The following FRAS1 variants were observed in gnomAD, a reference collection of about 807,000 sequenced individuals.
FRAS1 encodes the protein extracellular matrix organizing protein FRAS1.
A neutral mutation model predicts 435.2 loss-of-function variants in FRAS1; 290 were observed. That is an observed-to-expected ratio of 0.67 (90% CI 0.61 to 0.73). The LOEUF is 0.73. Ranked by LOEUF, FRAS1 falls within the 30% of genes least tolerant of loss-of-function variation. FRAS1 has a pLI of 0.00. For synonymous variants in FRAS1, 1,800 were observed against 1,851.0 expected, an observed-to-expected ratio of 0.97 and a Z score of 0.71; for missense variants, 4,860 against 5,001.5, an observed-to-expected ratio of 0.97 and a Z score of 0.85.
intron 26 of FRAS1, among the ~76,000 whole-genome samples, chr4:78,377,856 T>C (rs1731839961): frequency 6.6e-6 from 1 of 151,332 alleles, no homozygotes; most frequent in Non-Finnish European, 1.5e-5. Flanking sequence ...TCAGAAGCTC[T>C]GGCAGTGGAG....
At chr4:78,312,879 G>A (rs55689633) in intron 15 of FRAS1, among the ~76,000 whole-genome samples, 23,923 of 128,832 alleles carry the variant, frequency 0.19, 3,000 homozygotes, top group Non-Finnish European at 0.28. Flanking sequence ...GAGAGAGAGA[G>A]AGAAAGAAAG....
intron 29 of FRAS1, among the ~76,000 whole-genome samples, chr4:78,397,714 T>C (rs914599352): frequency 5.9e-5 from 9 of 152,214 alleles, no homozygotes; most frequent in Admixed American, 1.3e-4. Flanking sequence ...TTCCTTACTG[T>C]CCCTAGACAG....
chr4:78,174,220 G>A (rs376259894), intron 2 of FRAS1, among the ~76,000 whole-genome samples: 2 of 152,132 alleles, frequency 1.3e-5, no homozygotes, highest in African/African-American at 4.8e-5. Context: ...AAATGTGTTG[G>A]CTCATGTTCT....
chr4:78,298,737 C>T (rs1253396687), intron 14 of FRAS1, among the ~76,000 whole-genome samples: 1 of 152,120 alleles, frequency 6.6e-6, no homozygotes, highest in African/African-American at 2.4e-5. Context: ...TCCCCATAAC[C>T]CATTTTAAAA....
intron 29 of FRAS1, among the ~76,000 whole-genome samples, chr4:78,397,808 G>A (rs1027111764): frequency 6.6e-6 from 1 of 152,170 alleles, no homozygotes; most frequent in Admixed American, 6.5e-5. Context: ...ACAAGGCTGG[G>A]GAAGCTGGGC....
chr4:78,301,601 G>A (rs1408339284), intron 14 of FRAS1, among the ~76,000 whole-genome samples: 1 of 152,138 alleles, frequency 6.6e-6, no homozygotes, highest in Non-Finnish European at 1.5e-5. Flanking sequence ...AGAGTCCAGG[G>A]AATCCCTCCT....
chr4:78,315,641 C>T lies in FRAS1; in HGVS notation c.1726C>T (p.Leu576Phe). The stretch of plus-strand genomic sequence containing the variant: ...TTGTGGCCCCAGTAGCCCCAGGTGT[C>T]TTACCTGTACTGAGAAGACAGTGCT... ...DSCGPSSPRC[L>F]TCTEKTVLHD... The change falls in exon 16 of 74, where the codon CTT becomes TTT. Residue 576 changes from leucine (L) to phenylalanine (F), a missense_variant. Coordinates refer to ENST00000512123, the MANE Select transcript of FRAS1 (RefSeq NM_025074.7). The T allele has an allele frequency of 2.5e-6, 4 of 1,613,866 alleles. No homozygotes were observed. The highest frequency in any genetic ancestry group is 3.4e-6 in the Non-Finnish European group (4 of 1,179,822).
chr4:78,197,372 C>T (rs1578180126), intron 2 of FRAS1, among the ~76,000 whole-genome samples: 1 of 152,150 alleles, frequency 6.6e-6, no homozygotes, highest in Non-Finnish European at 1.5e-5. Flanking sequence ...TGAGTTTATT[C>T]ATGTAAATGA....
intron 29 of FRAS1, among the ~76,000 whole-genome samples, chr4:78,391,215 A>G (rs1315642730): frequency 6.6e-6 from 1 of 152,294 alleles, no homozygotes; most frequent in East Asian, 1.9e-4. Flanking sequence ...CAAGTTCTAC[A>G]TCACTTCCCC....
At chr4:78,447,390 A>G (rs1038575391) in intron 43 of FRAS1, among the ~76,000 whole-genome samples, 2 of 150,252 alleles carry the variant, frequency 1.3e-5, no homozygotes, top group Non-Finnish European at 2.9e-5. Flanking sequence ...CTCTCCAGTT[A>G]TTGGCTAAAG....
rs183617428 is a variant in FRAS1 at position 78,450,029 on chromosome 4, G to A, written c.6275-122G>A. 5.1e-3 allele frequency: 3,250 copies of A among 637,936 alleles called. 18 individuals carry two copies. The highest frequency in any genetic ancestry group is 7.3e-3 in the Non-Finnish European group (2,801 of 385,438). 39.5% of individuals were successfully genotyped at this position (637,936 alleles called of 1,614,324 possible). ...TTCAGCTGGAAACTGAGAAGGGCAAGTGCCTGGTACCTAGATCCAATGAAT... is the reference window on the plus strand; with the variant it reads ...TTCAGCTGGAAACTGAGAAGGGCAAATGCCTGGTACCTAGATCCAATGAAT... On this transcript the variant is annotated intron_variant, in intron 44 of 73. Coordinates refer to ENST00000512123, the MANE Select transcript of FRAS1 (RefSeq NM_025074.7).
intron 2 of FRAS1, among the ~76,000 whole-genome samples, chr4:78,167,880 AAGTTCTTTT>A (rs1721398457): frequency 6.6e-6 from 1 of 152,016 alleles, no homozygotes; most frequent in African/African-American, 2.4e-5. Flanking sequence ...CCTTTAAACT[AAGTTCTTTT>A]AGCTCATAAA....
intron 59 of FRAS1, among the ~76,000 whole-genome samples, chr4:78,490,304 A>G (rs990665207): frequency 1.3e-5 from 2 of 152,190 alleles, no homozygotes; most frequent in Non-Finnish European, 2.9e-5. Flanking sequence ...GACCAAGCAG[A>G]CCTAATAGAC....
Position 78,367,408 on chromosome 4 carries a change from C to CA in FRAS1, c.2723-2414dup, listed in dbSNP as rs11299648. On this transcript the variant is annotated intron_variant, in intron 22 of 73. Transcript: ENST00000512123. Reference sequence around the variant, plus strand: ...CAGGGTGACAGAGTGAGAACTGTCTCAAAAAAAAAAAAAAAAGAAGATTCA... The same window carrying CA: ...CAGGGTGACAGAGTGAGAACTGTCTCAAAAAAAAAAAAAAAAAGAAGATTCA... Among the ~76,000 whole-genome samples the CA allele has an allele frequency of 1.6e-3, 198 of 122,112 alleles. 1 individual carries two copies. The highest frequency in any genetic ancestry group is 4.4e-3 in the Middle Eastern group (1 of 228). The allele number at this position is 122,112 out of a possible 152,430, so 80.1% of individuals were successfully genotyped here. A position where few individuals can be genotyped will look rare whatever the true frequency, so the allele number is the denominator to read the frequency against.
At chr4:78,226,954 C>T (rs1232233127) in intron 2 of FRAS1, among the ~76,000 whole-genome samples, 4 of 152,102 alleles carry the variant, frequency 2.6e-5, no homozygotes, top group Non-Finnish European at 4.4e-5. Flanking sequence ...GCCAGTCTGC[C>T]GTTAAGCAAA....
intron 1 of FRAS1, among the ~76,000 whole-genome samples, chr4:78,065,474 T>C (rs1739986828): frequency 6.6e-6 from 1 of 151,800 alleles, no homozygotes; most frequent in Non-Finnish European, 1.5e-5. Context: ...TGGGCAGAAG[T>C]TTCACAAAGG....
Position 78,057,739 on chromosome 4 carries a change from C to G in FRAS1, c.-271C>G. 3.8e-6 allele frequency: 2 copies of G among 528,908 alleles called. No individual in the cohort carries two copies. The highest frequency in any genetic ancestry group is 6.7e-6 in the Non-Finnish European group (2 of 297,168). The allele number at this position is 528,908 out of a possible 1,614,324, so 32.8% of individuals were successfully genotyped here. The stretch of plus-strand genomic sequence containing the variant: ...GAACTGTGCTCTGCCTCCTCTTATT[C>G]TCCCAAAGCTCACGTTGGCGTCCTG... On this transcript the variant is annotated 5_prime_UTR_variant, in exon 1 of 74. Coordinates refer to ENST00000512123, the MANE Select transcript of FRAS1 (RefSeq NM_025074.7). The surrounding 1 kb of genome is among the most constrained non-coding windows in gnomAD (Gnocchi z 4.2).
chr4:78,299,323 G>A (rs1728281896), intron 14 of FRAS1, among the ~76,000 whole-genome samples: 2 of 152,186 alleles, frequency 1.3e-5, no homozygotes, highest in African/African-American at 4.8e-5. Context: ...CACCGAGGGT[G>A]TAGTAAAAAT....
chr4:78,140,750 CGT>C (rs150058446), intron 2 of FRAS1, among the ~76,000 whole-genome samples: 11,987 of 147,278 alleles, frequency 0.081, 760 homozygotes, highest in African/African-American at 0.16. Context: ...TATGTATATA[CGT>C]GTGTGTATAT....
Sources: gnomAD v4.1 joint callset for allele counts (sites outside exome capture counted in the v4.1 genomes callset) on GRCh38, gnomAD v4.1.1 for gene constraint, Gnocchi (gnomAD v3.1) non-coding constraint, MANE v1.5 for transcripts, NCBI Gene and HGNC (gene_info 2026-07-23, HGNC 2026-07-21) for gene names.